The following CTNND2 variants were observed in gnomAD, a reference collection of about 807,000 sequenced individuals.
CTNND2 encodes the protein catenin delta-2.
In CTNND2, 22 loss-of-function variants were observed where a neutral mutation model predicts 144.4. The observed-to-expected ratio is 0.15, with a 90% confidence interval of 0.11 to 0.22. The LOEUF (loss-of-function observed/expected upper bound fraction) is 0.22, where lower values mean the gene tolerates loss of function less well. CTNND2 is among the 10% of genes least tolerant of loss of function. The pLI is 1.00. For missense variants in CTNND2, 1,353 were observed against 1,618.8 expected (o/e 0.84, Z 2.82); for synonymous variants, 751 against 695.6 (o/e 1.08, Z -1.25).
intron 2 of CTNND2, among the ~76,000 whole-genome samples, chr5:11,631,386 T>C (rs1483051252): frequency 6.6e-6 from 1 of 152,180 alleles, no homozygotes; most frequent in Non-Finnish European, 1.5e-5. Flanking sequence ...CACACTTTAC[T>C]ACTATAAAAA....
At chr5:11,028,744 T>G (rs1337285582) in intron 16 of CTNND2, among the ~76,000 whole-genome samples, 2 of 152,232 alleles carry the variant, frequency 1.3e-5, no homozygotes, top group African/African-American at 2.4e-5. Context: ...GGTCTCATTC[T>G]GTCATCCAGG....
intron 2 of CTNND2, among the ~76,000 whole-genome samples, chr5:11,618,354 A>G (rs1780676304): frequency 6.6e-6 from 1 of 152,214 alleles, no homozygotes. Context: ...AATTTTGCTC[A>G]CAGTTAGTGA....
chr5:11,240,387 C>CAA (rs199894881), intron 9 of CTNND2, among the ~76,000 whole-genome samples: 3 of 11,626 alleles, frequency 2.6e-4, no homozygotes, highest in Admixed American at 1.4e-3. Context: ...CACATACACT[C>CAA]ACACACCCAA....
intron 3 of CTNND2, among the ~76,000 whole-genome samples, chr5:11,545,356 C>A (rs1238318025): frequency 6.6e-6 from 1 of 150,598 alleles, no homozygotes; most frequent in Non-Finnish European, 1.5e-5. Context: ...ATGACCTGAA[C>A]CAGATAAAAT....
At chr5:11,096,803 CAGAGAG>C (rs375930798) in intron 15 of CTNND2, among the ~76,000 whole-genome samples, 2 of 148,994 alleles carry the variant, frequency 1.3e-5, no homozygotes, top group Non-Finnish European at 3.0e-5. Flanking sequence ...GAGAGAGAGA[CAGAGAG>C]AGAGAGAGAG....
chr5:11,360,100 G>A (rs958348615), intron 8 of CTNND2, among the ~76,000 whole-genome samples: 1 of 152,168 alleles, frequency 6.6e-6, no homozygotes, highest in Non-Finnish European at 1.5e-5. Context: ...GTGCGCATCT[G>A]AGTTGGTACC....
chr5:11,097,708 C>T (rs894101117), intron 15 of CTNND2, among the ~76,000 whole-genome samples: 6 of 151,866 alleles, frequency 4.0e-5, no homozygotes, highest in African/African-American at 9.7e-5. Context: ...TTCTGATGTC[C>T]GTGTGTATAT....
intron 2 of CTNND2, among the ~76,000 whole-genome samples, chr5:11,701,668 TAAGA>T (rs1158879971): frequency 6.6e-6 from 1 of 150,504 alleles, no homozygotes; most frequent in Non-Finnish European, 1.5e-5. Flanking sequence ...TACATAAGTA[TAAGA>T]AAGAATGAGA....
intron 8 of CTNND2, 65 bp downstream of exon 8, chr5:11,364,631 T>C (rs1213931866): frequency 3.0e-6 from 4 of 1,354,234 alleles, no homozygotes; most frequent in Admixed American, 3.0e-5. Context: ...GGGAGTGTTA[T>C]TGAAGCTCCC....
intron 12 of CTNND2, among the ~76,000 whole-genome samples, chr5:11,135,709 A>C (rs1756067438): frequency 6.6e-6 from 1 of 152,230 alleles, no homozygotes; most frequent in African/African-American, 2.4e-5. Flanking sequence ...GAAGTCTCTG[A>C]GTAGTGGTTT....
At chr5:11,141,988 C>T (rs1756778214) in intron 12 of CTNND2, among the ~76,000 whole-genome samples, 1 of 152,120 alleles carries the variant, frequency 6.6e-6, no homozygotes, top group South Asian at 2.1e-4. Flanking sequence ...AGCCTGGCCT[C>T]CACTCACCCT....
intron 2 of CTNND2, among the ~76,000 whole-genome samples, chr5:11,711,245 G>A (rs1397515192): frequency 3.3e-5 from 5 of 151,786 alleles, no homozygotes; most frequent in South Asian, 2.1e-4. Flanking sequence ...TAGCAGAGAC[G>A]GGGTTTCACC....
intron 3 of CTNND2, among the ~76,000 whole-genome samples, chr5:11,427,950 C>T (rs1762937816): frequency 6.6e-6 from 1 of 152,164 alleles, no homozygotes; most frequent in Non-Finnish European, 1.5e-5. Flanking sequence ...GCCTCAGAAT[C>T]ATGGGGGGAG....
chr5:11,639,065 G>C (rs1028569647), intron 2 of CTNND2, among the ~76,000 whole-genome samples: 21 of 152,014 alleles, frequency 1.4e-4, no homozygotes, highest in Non-Finnish European at 1.8e-4. Flanking sequence ...TCTCCAAAAG[G>C]GGGTGATTTT....
intron 1 of CTNND2, among the ~76,000 whole-genome samples, chr5:11,823,650 A>C (rs1793442505): frequency 6.6e-6 from 1 of 152,166 alleles, no homozygotes; most frequent in Admixed American, 6.5e-5. Context: ...ATGTTCTCAC[A>C]TTAGTAAATT....
At chr5:11,876,955 G>C (rs773691630) in intron 1 of CTNND2, among the ~76,000 whole-genome samples, 2 of 152,124 alleles carry the variant, frequency 1.3e-5, no homozygotes, top group Non-Finnish European at 2.9e-5. Flanking sequence ...AAATTTGTAA[G>C]TAAATATTAT....
intron 2 of CTNND2, among the ~76,000 whole-genome samples, chr5:11,705,580 CTT>C (rs1169630468): frequency 2.0e-5 from 3 of 152,166 alleles, no homozygotes; most frequent in African/African-American, 7.2e-5. Context: ...CGCTTCTACT[CTT>C]TGCTTTATTC....
At chr5:11,003,397 C>T (rs75052277) in intron 18 of CTNND2, among the ~76,000 whole-genome samples, 42 of 152,264 alleles carry the variant, frequency 2.8e-4, no homozygotes, top group Non-Finnish European at 5.4e-4. Flanking sequence ...TTAATGCTCA[C>T]GTATCAGAAG....
chr5:11,583,766 C>T (rs1437011728), intron 2 of CTNND2, among the ~76,000 whole-genome samples: 1 of 152,056 alleles, frequency 6.6e-6, no homozygotes, highest in African/African-American at 2.4e-5. Context: ...TCTACACACC[C>T]AGAGATAAAA....
Sources: allele counts gnomAD v4.1 joint callset (sites outside exome capture counted in the v4.1 genomes callset), GRCh38; gene constraint gnomAD v4.1.1; transcripts MANE v1.5; gene names NCBI Gene and HGNC (gene_info 2026-07-23, HGNC 2026-07-21).